ABCA13: variants seen among roughly 807,000 people sequenced by gnomAD.
ABCA13 encodes ATP-binding cassette sub-family A member 13.
A neutral mutation model predicts 478.7 loss-of-function variants in ABCA13; 476 were observed. The ratio of observed to expected loss-of-function variants is 0.99; its 90% CI spans 0.92 to 1.07. The LOEUF is 1.07. Ranked by LOEUF, ABCA13 falls within the 50% of genes least tolerant of loss-of-function variation. ABCA13 has a pLI of 0.00. For missense variants in ABCA13, 6,060 were observed against 5,910.6 expected (o/e 1.03, Z -0.83); for synonymous variants, 2,252 against 2,158.9 (o/e 1.04, Z -1.20).
intron 42 of ABCA13, among the ~76,000 whole-genome samples, chr7:48,441,936 C>T (rs943288070): frequency 7.9e-5 from 12 of 152,138 alleles, no homozygotes; most frequent in African/African-American, 2.4e-5. Flanking sequence ...CATGGTGAAA[C>T]CTACAAAAGA....
Position 48,281,432 on chromosome 7 carries a change from G to T in ABCA13, c.8816G>T (p.Arg2939Leu), listed in dbSNP as rs553514517. 7.5e-6 allele frequency: 12 copies of T among 1,601,962 alleles called. No homozygotes were observed. The African/African-American group carries it at 1.6e-4, about 21-fold the overall frequency. Residue 2939 changes from arginine to leucine, a missense_variant, in exon 19 of 62, where the codon CGT (arginine) becomes CTT (leucine). Around this residue, in one of 3 missense-constraint regions of ABCA13, gnomAD observed 4,423 missense variants for 4,309.1 expected, o/e 1.03. Coordinates refer to ENST00000435803, the MANE Select transcript of ABCA13 (RefSeq NM_152701.5). ...CAGAAAGTGAAGATGATGGTCGTACGTGTGCTCACCATCGTTGCAGGTGGG... is the reference window on the plus strand; with the variant it reads ...CAGAAAGTGAAGATGATGGTCGTACTTGTGCTCACCATCGTTGCAGGTGGG... Reference protein sequence around the residue: ...MLQKVKMMVVRVLTIVAENPS... With the variant: ...MLQKVKMMVVLVLTIVAENPS...
intron 33 of ABCA13, 80 bp downstream of exon 33, chr7:48,372,577 C>A: frequency 8.6e-7 from 1 of 1,168,504 alleles, no homozygotes; most frequent in South Asian, 1.6e-5. Context: ...TCCCACCACT[C>A]TCACTTTTTC....
chr7:48,309,606 A>T (rs1328532815), intron 23 of ABCA13, among the ~76,000 whole-genome samples: 1 of 152,104 alleles, frequency 6.6e-6, no homozygotes, highest in Non-Finnish European at 1.5e-5. Flanking sequence ...CGAGACACAG[A>T]TGCTAACTAC....
intron 48 of ABCA13, among the ~76,000 whole-genome samples, chr7:48,503,696 AAC>A (rs1182580814): frequency 6.6e-6 from 1 of 152,230 alleles, no homozygotes; most frequent in African/African-American, 2.4e-5. Flanking sequence ...CTCATTTATC[AAC>A]AGACACAGGT....
At chr7:48,219,704 C>T (rs756940310) in intron 4 of ABCA13, among the ~76,000 whole-genome samples, 199 bp downstream of exon 4, 11 of 152,114 alleles carry the variant, frequency 7.2e-5, no homozygotes, top group South Asian at 2.1e-4. Flanking sequence ...TCAACCCCCT[C>T]GGAAGGCACC....
chr7:48,393,753 C>T (rs1479504980), intron 38 of ABCA13, among the ~76,000 whole-genome samples: 1 of 152,150 alleles, frequency 6.6e-6, no homozygotes, highest in African/African-American at 2.4e-5. Flanking sequence ...TTCCATGTGC[C>T]GTTGGCGATA....
intron 1 of ABCA13, among the ~76,000 whole-genome samples, chr7:48,192,588 T>C (rs1411704049): frequency 6.6e-6 from 1 of 152,170 alleles, no homozygotes; most frequent in African/African-American, 2.4e-5. Flanking sequence ...AAATATCTAT[T>C]TGGGTAAAAA....
At chr7:48,367,333 T>A (rs1287255721) in intron 31 of ABCA13, among the ~76,000 whole-genome samples, 1 of 152,138 alleles carries the variant, frequency 6.6e-6, no homozygotes, top group Non-Finnish European at 1.5e-5. Context: ...GGAGCCCAGT[T>A]AGAGTGGGTT....
At chr7:48,309,647 G>A (rs555871008) in intron 23 of ABCA13, among the ~76,000 whole-genome samples, 4 of 152,242 alleles carry the variant, frequency 2.6e-5, no homozygotes, top group African/African-American at 9.6e-5. Context: ...GGGGCTTGGT[G>A]GGCATTCAGA....
At chr7:48,277,356 TGGTTTTGTGCCTCTAAGTTACAGAG>T (rs1796439563) in intron 17 of ABCA13, among the ~76,000 whole-genome samples, 2 of 152,214 alleles carry the variant, frequency 1.3e-5, no homozygotes, top group African/African-American at 4.8e-5. Context: ...TACCCAGCAG[TGGTTTTGTGCCTCTAAGTTACAGAG>T]GTTCTATGCC....
chr7:48,317,586 AGAG>A (rs1171383878), intron 27 of ABCA13, among the ~76,000 whole-genome samples: 5 of 152,246 alleles, frequency 3.3e-5, no homozygotes, highest in Non-Finnish European at 7.3e-5. Context: ...AGTGAGACAG[AGAG>A]GAGGACTGTT....
At chr7:48,602,631 G>A (rs1791027364) in intron 58 of ABCA13, among the ~76,000 whole-genome samples, 1 of 152,082 alleles carries the variant, frequency 6.6e-6, no homozygotes, top group Non-Finnish European at 1.5e-5. Flanking sequence ...CCATAGCTTT[G>A]TAGTATAGTT....
At chr7:48,539,914 G>A (rs998762407) in intron 55 of ABCA13, among the ~76,000 whole-genome samples, 1 of 152,056 alleles carries the variant, frequency 6.6e-6, no homozygotes, top group East Asian at 1.9e-4. Flanking sequence ...TCTGTCTGTC[G>A]GCAGATAATG....
At chr7:48,506,492 G>A in intron 49 of ABCA13, 102 bp downstream of exon 49, 1 of 1,319,146 alleles carries the variant, frequency 7.6e-7, no homozygotes, top group Non-Finnish European at 1.1e-6. Flanking sequence ...TTTGCCCCAA[G>A]AGATGGCTTA....
At chr7:48,383,706 A>G (rs1323595179) in intron 35 of ABCA13, among the ~76,000 whole-genome samples, 1 of 152,220 alleles carries the variant, frequency 6.6e-6, no homozygotes, top group Non-Finnish European at 1.5e-5. Flanking sequence ...GAAGCAGGAA[A>G]AATTTTTGAG....
intron 31 of ABCA13, among the ~76,000 whole-genome samples, chr7:48,362,883 A>G (rs971752322): frequency 3.9e-5 from 6 of 152,114 alleles, no homozygotes; most frequent in Admixed American, 2.0e-4. Flanking sequence ...ATTTGCCAAT[A>G]TTTTAAAAAA....
At chr7:48,571,874 T>C (rs1032034428) in intron 55 of ABCA13, among the ~76,000 whole-genome samples, 1 of 152,164 alleles carries the variant, frequency 6.6e-6, no homozygotes. Flanking sequence ...GGGAAAACTT[T>C]AAATATTTTA....
intron 19 of ABCA13, among the ~76,000 whole-genome samples, chr7:48,281,983 G>A (rs1797117448): frequency 6.6e-6 from 1 of 152,144 alleles, no homozygotes; most frequent in African/African-American, 2.4e-5. Flanking sequence ...CTACAGCCGT[G>A]GCACTTATTG....
At chr7:48,352,545 T>C in intron 31 of ABCA13, 58 bp downstream of exon 31, 1 of 1,457,230 alleles carries the variant, frequency 6.9e-7, no homozygotes, top group African/African-American at 1.4e-5. Flanking sequence ...TTTGTCTAGC[T>C]GAGGAGAGAA....
Sources: allele counts gnomAD v4.1 joint callset (sites outside exome capture counted in the v4.1 genomes callset), GRCh38; gene constraint gnomAD v4.1.1; regional missense constraint gnomAD v4.1.1; transcripts MANE v1.5; gene names NCBI Gene and HGNC (gene_info 2026-07-23, HGNC 2026-07-21).